Variants in SOX6 observed in about 807,000 individuals in gnomAD.
The protein encoded by SOX6 is transcription factor SOX-6.
SOX6 carries 11 observed loss-of-function variants against 97.8 expected under a neutral mutation model. The ratio of observed to expected loss-of-function variants is 0.11; its 90% CI spans 0.07 to 0.19. SOX6 has a LOEUF of 0.19. Ranked by LOEUF, SOX6 falls within the 10% of genes least tolerant of loss-of-function variation. The pLI is 1.00. For missense variants in SOX6, 810 were observed against 1,039.5 expected (o/e 0.78, Z 3.04); for synonymous variants, 360 against 371.4 (o/e 0.97, Z 0.35).
intron 4 of SOX6, among the ~76,000 whole-genome samples, chr11:16,211,606 G>C (rs899140032): frequency 3.3e-5 from 5 of 152,144 alleles, no homozygotes; most frequent in Non-Finnish European, 1.5e-5. Flanking sequence ...CCTGGAATCT[G>C]GAGAATGTAG....
chr11:16,569,976 G>A (rs1254855842), intron 4 of SOX6, among the ~76,000 whole-genome samples: 1 of 150,894 alleles, frequency 6.6e-6, no homozygotes, highest in Non-Finnish European at 1.5e-5. Flanking sequence ...GTTAATATAA[G>A]CCCAAAGAAA....
Position 16,416,687 on chromosome 11 carries a change from T to C in SOX6, c.-5+59628A>G, listed in dbSNP as rs1858932229. On this transcript the variant is annotated intron_variant, in intron 1 of 15. Transcript: ENST00000396356. Reference sequence around the variant, plus strand: ...ATTCTTCTCTTCTTAACATTTCCTATACTTTCACAAATTCACTCAATTATT... The same window carrying C: ...ATTCTTCTCTTCTTAACATTTCCTACACTTTCACAAATTCACTCAATTATT... Among the ~76,000 whole-genome samples, 3 of 152,212 alleles carry C rather than the reference T, an allele frequency of 2.0e-5. No individual in the cohort carries two copies. The South Asian group carries it at 6.2e-4, about 31-fold the overall frequency.
At chr11:16,664,626 A>G (rs1847791483) in intron 3 of SOX6, among the ~76,000 whole-genome samples, 1 of 152,086 alleles carries the variant, frequency 6.6e-6, no homozygotes, top group Admixed American at 6.5e-5. Flanking sequence ...GGCCACAAAG[A>G]CTATTATTCC....
Position 16,610,109 on chromosome 11 carries a change from G to C in SOX6, n.609+1972C>G, listed in dbSNP as rs1385988935. The stretch of plus-strand genomic sequence containing the variant: ...AGTCAGATCTCCCCTGTGTGTGTAA[G>C]AGTGTCGTTGGGCCTGTTCCAGAGC... On this transcript the variant is annotated intron_variant and non_coding_transcript_variant, in intron 4 of 5. Coordinates refer to the SOX6 transcript ENST00000524520. This position sits in a 1 kb window ranked among gnomAD's most constrained non-coding sequence, Gnocchi z 4.4. Among the ~76,000 whole-genome samples, 4 of 152,212 alleles carry C rather than the reference G, an allele frequency of 2.6e-5. No individual in the cohort carries two copies. The highest frequency in any genetic ancestry group is 4.4e-5 in the Non-Finnish European group (3 of 68,040).
intron 1 of SOX6, among the ~76,000 whole-genome samples, chr11:16,417,827 G>T (rs1047293270): frequency 1.3e-5 from 2 of 152,106 alleles, no homozygotes; most frequent in Non-Finnish European, 2.9e-5. Flanking sequence ...GCAAAGTGAT[G>T]CCTAGTTTTA....
intron 3 of SOX6, among the ~76,000 whole-genome samples, chr11:16,269,265 T>TTGTG (rs34769001): frequency 1.3e-5 from 2 of 150,378 alleles, no homozygotes; most frequent in East Asian, 3.9e-4. Flanking sequence ...TTTATTCTCC[T>TTGTG]TGTTTATTCA....
At chr11:16,253,238 A>C (rs1322540007) in intron 3 of SOX6, among the ~76,000 whole-genome samples, 1 of 152,008 alleles carries the variant, frequency 6.6e-6, no homozygotes, top group Non-Finnish European at 1.5e-5. Flanking sequence ...AATCCCAGCT[A>C]TTCAGGAGGC....
chr11:16,344,120 G>A (rs1856713822), intron 1 of SOX6, among the ~76,000 whole-genome samples: 1 of 151,810 alleles, frequency 6.6e-6, no homozygotes, highest in African/African-American at 2.4e-5. Flanking sequence ...CTTTATTATA[G>A]TTCTCAAATG....
At chr11:16,191,468 A>G (rs1851629767) in intron 4 of SOX6, among the ~76,000 whole-genome samples, 1 of 152,194 alleles carries the variant, frequency 6.6e-6, no homozygotes, top group South Asian at 2.1e-4. Context: ...AAAACAAAGA[A>G]AAGAAAAATC....
intron 4 of SOX6, among the ~76,000 whole-genome samples, chr11:16,563,960 A>T (rs1473779095): frequency 6.6e-6 from 1 of 152,204 alleles, no homozygotes; most frequent in African/African-American, 2.4e-5. Context: ...AATATTTTCG[A>T]AGTGCTGAAA....
intron 13 of SOX6, among the ~76,000 whole-genome samples, chr11:16,006,622 T>C (rs985134401): frequency 2.0e-5 from 3 of 152,076 alleles, no homozygotes; most frequent in Non-Finnish European, 4.4e-5. Context: ...GCCACACTTC[T>C]ATCAGGTTTT....
Position 16,341,418 on chromosome 11 carries a change from T to C in SOX6, c.-4-166A>G, listed in dbSNP as rs1196558516. ...AGAACTCCTGGCTTATGTGTCCTTC[T>C]TTCCCTCTTTGCTTTTAACTCAGCA... On this transcript the variant is annotated intron_variant, in intron 1 of 15. Transcript: ENST00000683767. 13 of 960,292 alleles carry C rather than the reference T, an allele frequency of 1.4e-5. 1 individual carries two copies. The highest frequency in any genetic ancestry group is 3.6e-5 in the South Asian group (2 of 55,044). 59.5% of individuals were successfully genotyped at this position (960,292 alleles called of 1,614,324 possible).
intron 1 of SOX6, among the ~76,000 whole-genome samples, chr11:16,467,166 A>G (rs576920131): frequency 6.6e-6 from 1 of 152,282 alleles, no homozygotes; most frequent in South Asian, 2.1e-4. Context: ...GTGGAGAAAA[A>G]GGAATGCTTA....
intron 4 of SOX6, among the ~76,000 whole-genome samples, chr11:16,503,771 A>G (rs1471711445): frequency 6.6e-6 from 1 of 152,150 alleles, no homozygotes; most frequent in Non-Finnish European, 1.5e-5. Context: ...TCGGTTGGGC[A>G]CGGTGGCTCA....
At chr11:16,608,798 A>G (rs1565192184) in intron 4 of SOX6, among the ~76,000 whole-genome samples, 1 of 152,238 alleles carries the variant, frequency 6.6e-6, no homozygotes, top group Non-Finnish European at 1.5e-5. Flanking sequence ...TGTTATATGG[A>G]TAAGTCTTCA....
chr11:16,307,740 T>TTGTTGCCGCTGTAATGGTGC (rs1365533333), intron 3 of SOX6, among the ~76,000 whole-genome samples: 1 of 152,220 alleles, frequency 6.6e-6, no homozygotes, highest in Non-Finnish European at 1.5e-5. Context: ...TCTGCTGCTG[T>TTGTTGCCGCTGTAATGGTGC]TGTTGCCGCT....
intron 1 of SOX6, among the ~76,000 whole-genome samples, chr11:16,446,613 CA>C: frequency 6.6e-6 from 1 of 152,124 alleles, no homozygotes; most frequent in East Asian, 1.9e-4. Flanking sequence ...AGTTTTTCTT[CA>C]AAACCAGGCG....
chr11:16,582,896 A>T lies in SOX6; in HGVS notation n.609+29185T>A, dbSNP rs529185818. 9.2e-5 allele frequency among the ~76,000 whole-genome samples: 14 copies of T among 152,176 alleles called. No homozygotes were observed. In the South Asian group the frequency reaches 2.7e-3, roughly 29 times the overall value. ...GAACTGACAATTCCTATGCTCTCCA[A>T]ATTATTCCAGAGCATAGACAAAAAT... On this transcript the variant is annotated intron_variant and non_coding_transcript_variant, in intron 4 of 5. Coordinates refer to the SOX6 transcript ENST00000524520.
At chr11:16,015,222 G>T (rs558051188) in intron 12 of SOX6, 172 bp from the exon 13 acceptor site, 43 of 649,498 alleles carry the variant, frequency 6.6e-5, no homozygotes, top group Non-Finnish European at 1.0e-4. Flanking sequence ...TTGTGACATG[G>T]ACAGCACTGA....
Sources: gnomAD v4.1 joint callset for allele counts (sites outside exome capture counted in the v4.1 genomes callset) on GRCh38, gnomAD v4.1.1 for gene constraint, Gnocchi (gnomAD v3.1) non-coding constraint, MANE v1.5 for transcripts, NCBI Gene and HGNC (gene_info 2026-07-23, HGNC 2026-07-21) for gene names.